GALNT10: variants seen among roughly 807,000 people sequenced by gnomAD.
GALNT10 encodes GalNAc transferase 10.
GALNT10 carries 41 observed loss-of-function variants against 75.0 expected under a neutral mutation model. That is an observed-to-expected ratio of 0.55 (90% CI 0.43 to 0.71). The LOEUF (loss-of-function observed/expected upper bound fraction) is 0.71, where lower values mean the gene tolerates loss of function less well. Among genes scored for constraint, GALNT10 ranks in the 30% least tolerant of loss-of-function variants. The probability of loss-of-function intolerance (pLI) is 0.00; values close to 1 mark genes in which losing one functional copy is unlikely to be tolerated. For synonymous variants in GALNT10, 302 were observed against 313.0 expected (o/e 0.96, Z 0.37); for missense variants, 727 against 818.5 (o/e 0.89, Z 1.36).
chr5:154,211,776 G>A (rs1308564952), intron 1 of GALNT10, among the ~76,000 whole-genome samples: 2 of 152,088 alleles, frequency 1.3e-5, no homozygotes, highest in South Asian at 2.1e-4. Context: ...GAAGGAGACC[G>A]CAGTTCCTCA....
intron 1 of GALNT10, among the ~76,000 whole-genome samples, chr5:154,256,760 G>T (rs1262461377): frequency 6.6e-6 from 1 of 152,024 alleles, no homozygotes; most frequent in Non-Finnish European, 1.5e-5. Flanking sequence ...TGATGTTTTT[G>T]ATGTTAGTCC....
intron 1 of GALNT10, among the ~76,000 whole-genome samples, chr5:154,217,537 C>T (rs950188271): frequency 6.6e-6 from 1 of 152,152 alleles, no homozygotes; most frequent in Non-Finnish European, 1.5e-5. Context: ...GTCCCTGTCT[C>T]GTCTCAAGAA....
At chr5:154,260,820 C>T (rs1271042489) in intron 1 of GALNT10, among the ~76,000 whole-genome samples, 1 of 152,120 alleles carries the variant, frequency 6.6e-6, no homozygotes, top group Non-Finnish European at 1.5e-5. Context: ...TCAATGCAGC[C>T]TCATGGATGT....
At position 154,407,219 on chromosome 5, in the gene GALNT10, C is replaced by T. The variant is rs182244585; in HGVS notation, c.1165-2322C>T. Among the ~76,000 whole-genome samples the T allele has an allele frequency of 2.0e-4, 31 of 152,210 alleles. No homozygotes were observed. In the East Asian group the frequency reaches 5.6e-3, roughly 27 times the overall value. On this transcript the variant is annotated intron_variant, in intron 8 of 11. Transcript: ENST00000297107. Reference sequence around the variant, plus strand: ...ACAAGAAGTACAGTTGGGCCTCAGACGGGACTGGGACTCGGAAGTAGGAAG... The same window carrying T: ...ACAAGAAGTACAGTTGGGCCTCAGATGGGACTGGGACTCGGAAGTAGGAAG...
chr5:154,339,897 G>A (rs1049629817), intron 4 of GALNT10, among the ~76,000 whole-genome samples: 5 of 152,180 alleles, frequency 3.3e-5, no homozygotes, highest in Non-Finnish European at 5.9e-5. Flanking sequence ...CCCAGGGAGA[G>A]GGCAGAGGAA....
At position 154,380,483 on chromosome 5, in the gene GALNT10, C is replaced by T. The variant is rs753553696; in HGVS notation, c.790C>T (p.Pro264Ser). Residue 264 changes from proline to serine, a missense_variant, in exon 6 of 12, where the codon CCG becomes TCG. By Grantham distance (74) the Pro-to-Ser change is moderately conservative. Transcript: ENST00000297107. ...IARNRKTIVC[P>S]MIDVIDHDDF... ...TCGGAACCGCAAGACCATTGTGTGCCCGATGATTGATGTAATTGACCATGA... is the reference window on the plus strand; with the variant it reads ...TCGGAACCGCAAGACCATTGTGTGCTCGATGATTGATGTAATTGACCATGA... 1.2e-6 allele frequency: 2 copies of T among 1,614,064 alleles called. No individual in the cohort carries two copies. The highest frequency in any genetic ancestry group is 1.7e-6 in the Non-Finnish European group (2 of 1,179,982).
chr5:154,375,647 T>C (rs1755642845), intron 4 of GALNT10, among the ~76,000 whole-genome samples: 1 of 152,222 alleles, frequency 6.6e-6, no homozygotes, highest in Non-Finnish European at 1.5e-5. Flanking sequence ...GGCTTCAGTC[T>C]CAGCATATTC....
At chr5:154,270,855 G>A (rs1032505915) in intron 1 of GALNT10, among the ~76,000 whole-genome samples, 1 of 152,018 alleles carries the variant, frequency 6.6e-6, no homozygotes, top group African/African-American at 2.4e-5. Context: ...TTAGCTGGGA[G>A]TGGTGGCGCA....
intron 3 of GALNT10, among the ~76,000 whole-genome samples, chr5:154,304,457 G>T (rs530614886): frequency 2.0e-5 from 3 of 152,248 alleles, no homozygotes; most frequent in African/African-American, 7.2e-5. Flanking sequence ...AGAATATGGT[G>T]TAGCAACATC....
intron 1 of GALNT10, among the ~76,000 whole-genome samples, chr5:154,254,510 CTT>C (rs1162459433): frequency 7.2e-6 from 1 of 138,378 alleles, no homozygotes; most frequent in Admixed American, 7.2e-5. Flanking sequence ...TATTTCTTTT[CTT>C]TTTTTTTTTT....
intron 1 of GALNT10, among the ~76,000 whole-genome samples, chr5:154,232,163 A>C (rs978879619): frequency 6.6e-6 from 1 of 152,190 alleles, no homozygotes; most frequent in African/African-American, 2.4e-5. Context: ...CCACAGGCCC[A>C]CCTCTACCTC....
At chr5:154,256,989 G>A (rs904054788) in intron 1 of GALNT10, among the ~76,000 whole-genome samples, 5 of 151,932 alleles carry the variant, frequency 3.3e-5, no homozygotes, top group Non-Finnish European at 2.9e-5. Flanking sequence ...AAACAGGCTC[G>A]GCCAGGCATT....
chr5:154,209,338 G>C (rs1308504741), intron 1 of GALNT10, among the ~76,000 whole-genome samples: 2 of 152,156 alleles, frequency 1.3e-5, no homozygotes, highest in African/African-American at 2.4e-5. Flanking sequence ...ATGTTAGCTG[G>C]CAAGGGAAAC....
intron 1 of GALNT10, among the ~76,000 whole-genome samples, chr5:154,225,063 T>G (rs1454872951): frequency 6.6e-6 from 1 of 151,594 alleles, no homozygotes; most frequent in African/African-American, 2.4e-5. Flanking sequence ...ATTACAGGCG[T>G]GAGCCACCAC....
intron 1 of GALNT10, among the ~76,000 whole-genome samples, chr5:154,281,921 C>T (rs1754043951): frequency 6.6e-6 from 1 of 152,168 alleles, no homozygotes; most frequent in Admixed American, 6.5e-5. Flanking sequence ...AAGGGATAAA[C>T]AAGAAAGGCA....
intron 7 of GALNT10, among the ~76,000 whole-genome samples, chr5:154,391,068 C>T (rs1388932630): frequency 2.0e-5 from 3 of 152,212 alleles, no homozygotes; most frequent in Non-Finnish European, 4.4e-5. Flanking sequence ...AGGAGAGTTT[C>T]TGGAGCCAGC....
chr5:154,191,316 C>CT (rs1774855038), intron 1 of GALNT10, among the ~76,000 whole-genome samples: 1 of 152,128 alleles, frequency 6.6e-6, no homozygotes, highest in Non-Finnish European at 1.5e-5. Flanking sequence ...CAGCGGATCT[C>CT]TTTTGAAGGA....
Position 154,376,306 on chromosome 5 carries a change from A to C in GALNT10, c.598A>C (p.Met200Leu). The change falls in exon 5 of 12, where the codon ATG (methionine) becomes CTG (leucine). Residue 200 changes from methionine (M) to leucine (L), a missense_variant. Coordinates refer to ENST00000297107, the MANE Select transcript of GALNT10 (RefSeq NM_198321.4). This position sits in a 1 kb window ranked among gnomAD's most constrained non-coding sequence, Gnocchi z 4.1. ...EHLKKPLEDY[M>L]ALFPSVRILR... ...CCTGAAGAAGCCTCTTGAAGACTACATGGCCCTTTTCCCCAGTGTGAGGAT... is the reference window on the plus strand; with the variant it reads ...CCTGAAGAAGCCTCTTGAAGACTACCTGGCCCTTTTCCCCAGTGTGAGGAT... 6.2e-7 allele frequency: 1 copy of C among 1,612,826 alleles called. No homozygotes were observed. The highest frequency in any genetic ancestry group is 8.5e-7 in the Non-Finnish European group (1 of 1,179,146).
At chr5:154,308,366 C>A (rs1277456167) in intron 3 of GALNT10, among the ~76,000 whole-genome samples, 1 of 152,062 alleles carries the variant, frequency 6.6e-6, no homozygotes, top group Non-Finnish European at 1.5e-5. Flanking sequence ...AATAATGTGG[C>A]CTTGGTGATG....
Sources: gnomAD v4.1 joint callset for allele counts (sites outside exome capture counted in the v4.1 genomes callset) on GRCh38, gnomAD v4.1.1 for gene constraint, Gnocchi (gnomAD v3.1) non-coding constraint, MANE v1.5 for transcripts, NCBI Gene and HGNC (gene_info 2026-07-23, HGNC 2026-07-21) for gene names.